AK5: variants seen among roughly 807,000 people sequenced by gnomAD.
The protein encoded by AK5 is adenylate kinase 5.
A neutral mutation model predicts 69.5 loss-of-function variants in AK5; 27 were observed. That is an observed-to-expected ratio of 0.39 (90% CI 0.29 to 0.54). The LOEUF is 0.54. Ranked by LOEUF, AK5 falls within the 20% of genes least tolerant of loss-of-function variation. The probability of loss-of-function intolerance (pLI) is 0.71; values close to 1 mark genes in which losing one functional copy is unlikely to be tolerated. For missense variants in AK5, 531 were observed against 700.4 expected, an observed-to-expected ratio of 0.76 and a Z score of 2.73; for synonymous variants, 260 against 244.4, an observed-to-expected ratio of 1.06 and a Z score of -0.60.
intron 10 of AK5, among the ~76,000 whole-genome samples, chr1:77,487,654 G>A (rs1257863067): frequency 6.6e-6 from 1 of 152,214 alleles, no homozygotes; most frequent in African/African-American, 2.4e-5. Context: ...TGTTAGATGA[G>A]GAAACTGAGG....
intron 12 of AK5, among the ~76,000 whole-genome samples, chr1:77,533,289 G>A (rs1276138944): frequency 6.6e-6 from 1 of 152,118 alleles, no homozygotes; most frequent in Non-Finnish European, 1.5e-5. Flanking sequence ...GCTGAGGTGG[G>A]TGGATCACTT....
intron 5 of AK5, among the ~76,000 whole-genome samples, chr1:77,329,379 C>A (rs1377731): frequency 0.36 from 53,922 of 151,850 alleles, 9,859 homozygotes; most frequent in South Asian, 0.47. Flanking sequence ...AACACACTTT[C>A]ATGGGTCCCA....
Position 77,293,576 on chromosome 1 carries a change from G to A in AK5, c.248-217G>A, listed in dbSNP as rs1570323631. On this transcript the variant is annotated intron_variant, in intron 2 of 13. Transcript: ENST00000354567. ...TTTATGACCACTTTCATACTACCAT[G>A]GCCAAGTTGAATAGAAACTGCACGG... is the stretch of plus-strand genomic sequence containing the variant. 1.2e-5 allele frequency: 5 copies of A among 407,424 alleles called. No individual in the cohort carries two copies. The South Asian group carries it at 2.8e-4, about 23-fold the overall frequency. 25.2% of individuals were successfully genotyped at this position (407,424 alleles called of 1,614,324 possible).
At chr1:77,405,462 C>G (rs898464847) in intron 6 of AK5, among the ~76,000 whole-genome samples, 5 of 152,246 alleles carry the variant, frequency 3.3e-5, no homozygotes, top group African/African-American at 1.2e-4. Context: ...ACCGCATATC[C>G]TAACCTTGGT....
At chr1:77,557,592 G>A (rs756182725) in intron 13 of AK5, among the ~76,000 whole-genome samples, 22 of 151,946 alleles carry the variant, frequency 1.4e-4, no homozygotes, top group East Asian at 5.8e-4. Flanking sequence ...GTCTCCAAGC[G>A]GACTCTACCT....
intron 11 of AK5, among the ~76,000 whole-genome samples, chr1:77,520,382 C>T (rs545347046): frequency 6.6e-6 from 1 of 152,156 alleles, no homozygotes; most frequent in African/African-American, 2.4e-5. Flanking sequence ...TTCCTCAAAA[C>T]CTTCCAATGG....
chr1:77,383,600 T>C (rs933149826), intron 6 of AK5, among the ~76,000 whole-genome samples: 2 of 152,196 alleles, frequency 1.3e-5, no homozygotes, highest in African/African-American at 4.8e-5. Context: ...GAAACCTTCA[T>C]GGGAAAAGCA....
chr1:77,308,044 G>A (rs574439498), intron 5 of AK5, among the ~76,000 whole-genome samples: 1 of 152,224 alleles, frequency 6.6e-6, no homozygotes, highest in Non-Finnish European at 1.5e-5. Context: ...CATTTCTCAT[G>A]CTCCATTGAT....
chr1:77,500,106 A>G (rs1421456222), intron 10 of AK5, among the ~76,000 whole-genome samples: 1 of 152,064 alleles, frequency 6.6e-6, no homozygotes, highest in Non-Finnish European at 1.5e-5. Flanking sequence ...TCTCAGAGCC[A>G]TAATGATAAG....
At chr1:77,332,202 T>C (rs180749249) in intron 5 of AK5, among the ~76,000 whole-genome samples, 123 of 152,242 alleles carry the variant, frequency 8.1e-4, no homozygotes, top group African/African-American at 2.9e-3. Context: ...TATTTAGAGA[T>C]TCATTTATTT....
chr1:77,440,752 T>G (rs2647524), intron 8 of AK5, among the ~76,000 whole-genome samples: 122,615 of 151,400 alleles, frequency 0.81, 50,112 homozygotes, highest in Admixed American at 0.88. Flanking sequence ...TCTTTTTTTT[T>G]TTGTTGTTTT....
intron 6 of AK5, among the ~76,000 whole-genome samples, chr1:77,389,316 G>A (rs1327520174): frequency 6.6e-6 from 1 of 152,190 alleles, no homozygotes; most frequent in Non-Finnish European, 1.5e-5. Flanking sequence ...TAAGATGTTT[G>A]CAAATTCTTG....
At position 77,283,554 on chromosome 1, in the gene AK5, C is replaced by G. The variant is rs945312753; in HGVS notation, c.60+1181C>G. 7 of 985,274 alleles carry G rather than the reference C, an allele frequency of 7.1e-6. No individual in the cohort carries two copies. The African/African-American group carries it at 1.2e-4, about 17-fold the overall frequency. 61.0% of individuals were successfully genotyped at this position (985,274 alleles called of 1,614,324 possible). On this transcript the variant is annotated intron_variant, in intron 1 of 13. Coordinates refer to ENST00000354567, the MANE Select transcript of AK5 (RefSeq NM_174858.3). Reference sequence around the variant, plus strand: ...ATGGGTTGCCATAATTACAGGTCTTCTTTTCTCTCACCTCTATAAGCCACC... The same window carrying G: ...ATGGGTTGCCATAATTACAGGTCTTGTTTTCTCTCACCTCTATAAGCCACC...
intron 6 of AK5, among the ~76,000 whole-genome samples, chr1:77,354,888 T>G (rs1015260469): frequency 6.6e-6 from 1 of 152,206 alleles, no homozygotes; most frequent in African/African-American, 2.4e-5. Context: ...GAAAAAATCT[T>G]GTATCTTACC....
intron 13 of AK5, among the ~76,000 whole-genome samples, chr1:77,544,224 T>C (rs1175957114): frequency 6.6e-6 from 1 of 152,174 alleles, no homozygotes; most frequent in Non-Finnish European, 1.5e-5. Flanking sequence ...TTACCATGAA[T>C]CCAGCTTTCA....
intron 8 of AK5, among the ~76,000 whole-genome samples, chr1:77,442,884 A>G (rs1249083486): frequency 6.6e-6 from 1 of 152,138 alleles, no homozygotes; most frequent in Non-Finnish European, 1.5e-5. Context: ...TTTTGTGTCA[A>G]GTAGCAATGG....
rs147712130 is a variant in AK5 at position 77,294,134 on chromosome 1, A to G, written c.415+174A>G. Among the ~76,000 whole-genome samples the G allele has an allele frequency of 7.0e-4, 106 of 152,372 alleles. 1 individual carries two copies. Among genetic ancestry groups the G allele is most frequent in the African/African-American group, 2.5e-3 (103 of 41,588 alleles). The stretch of plus-strand genomic sequence containing the variant: ...CTTAGTATAAGTTTCAATAAAATAG[A>G]AATTGTTATAATTATATAATCTAAT... On this transcript the variant is annotated intron_variant, in intron 3 of 13. Coordinates refer to ENST00000354567, the MANE Select transcript of AK5 (RefSeq NM_174858.3).
chr1:77,530,920 GACCAA>G (rs2100341933), intron 12 of AK5, among the ~76,000 whole-genome samples: 1 of 152,228 alleles, frequency 6.6e-6, no homozygotes, highest in South Asian at 2.1e-4. Flanking sequence ...TTGCTGGAAT[GACCAA>G]AGCAAAACCA....
At chr1:77,288,495 A>T (rs886962064) in intron 2 of AK5, among the ~76,000 whole-genome samples, 5 of 152,288 alleles carry the variant, frequency 3.3e-5, no homozygotes, top group African/African-American at 1.2e-4. Flanking sequence ...GCTTAACCTT[A>T]TTAGTCATGA....
Sources: allele counts gnomAD v4.1 joint callset (sites outside exome capture counted in the v4.1 genomes callset), GRCh38; gene constraint gnomAD v4.1.1; transcripts MANE v1.5; gene names NCBI Gene and HGNC (gene_info 2026-07-23, HGNC 2026-07-21).